The following MYO18B variants were observed in gnomAD, a reference collection of about 807,000 sequenced individuals.
MYO18B encodes the protein myosin XVIIIB, also known as unconventional myosin-XVIIIb.
MYO18B carries 204 observed loss-of-function variants against 273.0 expected under a neutral mutation model. The observed-to-expected ratio is 0.75, with a 90% CI of 0.67 to 0.84. MYO18B has a LOEUF of 0.84. Ranked by LOEUF, MYO18B falls within the 40% of genes least tolerant of loss-of-function variation. The probability of loss-of-function intolerance (pLI) is 0.00; values close to 1 mark genes in which losing one functional copy is unlikely to be tolerated. For missense variants in MYO18B, 3,212 were observed against 3,287.6 expected (o/e 0.98, Z 0.56); for synonymous variants, 1,330 against 1,305.7 (o/e 1.02, Z -0.40).
At chr22:25,788,510 G>T (rs1300159233) in intron 11 of MYO18B, among the ~76,000 whole-genome samples, 1 of 152,212 alleles carries the variant, frequency 6.6e-6, no homozygotes, top group East Asian at 1.9e-4. Flanking sequence ...TGGAGGAGTG[G>T]ACCACAAGCT....
At chr22:25,874,763 A>G (rs2091145248) in intron 23 of MYO18B, among the ~76,000 whole-genome samples, 1 of 152,226 alleles carries the variant, frequency 6.6e-6, no homozygotes, top group Non-Finnish European at 1.5e-5. Flanking sequence ...GGCCAAGTCA[A>G]GCTTGAAGCA....
chr22:25,940,597 C>T (rs1286816557), intron 34 of MYO18B, among the ~76,000 whole-genome samples: 3 of 152,146 alleles, frequency 2.0e-5, no homozygotes, highest in African/African-American at 4.8e-5. Context: ...TGGGTCTGCT[C>T]CTAACCACCA....
At chr22:25,775,970 T>C (rs1177722734) in intron 7 of MYO18B, among the ~76,000 whole-genome samples, 6 of 152,174 alleles carry the variant, frequency 3.9e-5, no homozygotes. Context: ...AGGTGTATAG[T>C]TGTATAACTG....
chr22:25,881,523 C>T (rs1186448277), intron 25 of MYO18B, among the ~76,000 whole-genome samples: 2 of 152,182 alleles, frequency 1.3e-5, no homozygotes, highest in Admixed American at 6.5e-5. Context: ...TCAGGGACTT[C>T]CCTGTAGAAA....
rs1417854716 is a variant in MYO18B, at chr22:25,838,939, ATGTG to A, written c.3208+3502_3208+3505del. Among the ~76,000 whole-genome samples the A allele has an allele frequency of 3.4e-3, 512 of 151,212 alleles. 4 individuals are homozygous for A. Among genetic ancestry groups the A allele is most frequent in the African/African-American group, 0.012 (493 of 41,122 alleles). On this transcript the variant is annotated intron_variant, in intron 17 of 43. Transcript: ENST00000335473. ...TATCTGTGTGTGCCTGTGTGTGTGC[ATGTG>A]TGTGTATGTCTAGTTGTTTGTATAT...
downstream of MYO18B, among the ~76,000 whole-genome samples, chr22:26,034,780 A>G (rs9624960): frequency 0.01 from 1,535 of 152,332 alleles, 30 homozygotes; most frequent in African/African-American, 0.036. Context: ...GAAAGCCTCA[A>G]GGTAATTTTA....
intron 39 of MYO18B, among the ~76,000 whole-genome samples, chr22:25,963,413 A>G (rs1037489110): frequency 3.3e-5 from 5 of 151,426 alleles, no homozygotes; most frequent in African/African-American, 1.2e-4. Context: ...TGGTGGCTCC[A>G]GGCATTCCTT....
At chr22:25,873,460 T>G (rs2091104085) in intron 22 of MYO18B, among the ~76,000 whole-genome samples, 2 of 152,132 alleles carry the variant, frequency 1.3e-5, no homozygotes, top group Admixed American at 6.5e-5. Context: ...TTTCCTTTCT[T>G]TTTTTTGAGA....
chr22:25,939,326 A>G (rs1166425216), intron 34 of MYO18B, among the ~76,000 whole-genome samples: 1 of 152,250 alleles, frequency 6.6e-6, no homozygotes. Context: ...CAATCATGTC[A>G]TCAAGATTAT....
At chr22:25,960,047 T>C (rs2092901077) in intron 39 of MYO18B, among the ~76,000 whole-genome samples, 1 of 152,090 alleles carries the variant, frequency 6.6e-6, no homozygotes, top group South Asian at 2.1e-4. Flanking sequence ...GAACTGTGAG[T>C]TGTTGCATGT....
chr22:25,888,509 A>G (rs1157351607), intron 25 of MYO18B, among the ~76,000 whole-genome samples: 1 of 152,048 alleles, frequency 6.6e-6, no homozygotes, highest in African/African-American at 2.4e-5. Context: ...TGATCCTCCT[A>G]CCTCAGCCTG....
intron 19 of MYO18B, 121 bp from the exon 20 acceptor site, chr22:25,847,309 T>C: frequency 1.4e-6 from 1 of 716,968 alleles, no homozygotes; most frequent in Non-Finnish European, 2.4e-6. Context: ...AGCTCCTTGG[T>C]GTGGGACATA....
At chr22:25,940,359 G>A (rs1181016442) in intron 34 of MYO18B, among the ~76,000 whole-genome samples, 1 of 152,154 alleles carries the variant, frequency 6.6e-6, no homozygotes, top group Non-Finnish European at 1.5e-5. Context: ...ACATGCCTTT[G>A]CTTCTCCTTT....
rs745396500 is a variant in MYO18B, at chr22:25,763,391, T to A, written c.198+2T>A. On this transcript the variant is annotated splice_donor_variant, in intron 3 of 43. Coordinates refer to ENST00000335473, the MANE Select transcript of MYO18B (RefSeq NM_032608.7). LOFTEE classifies it high-confidence loss of function. ...GCTGTCGCCTCTCCAGAACGAGAGG[T>A]AAGTGGTTCCTAAGAAGGAGGACCG... 1.2e-6 allele frequency: 2 copies of A among 1,606,430 alleles called. No individual in the cohort carries two copies. Among genetic ancestry groups the A allele is most frequent in the Non-Finnish European group, 1.7e-6 (2 of 1,178,200 alleles).
At chr22:25,800,690 C>G (rs1475590435) in intron 12 of MYO18B, among the ~76,000 whole-genome samples, 3 of 152,194 alleles carry the variant, frequency 2.0e-5, no homozygotes, top group Admixed American at 1.3e-4. Context: ...GATATTTATC[C>G]AGAGACTAAG....
At chr22:26,038,511 T>G in the MYO18B span, among the ~76,000 whole-genome samples, 1 of 152,184 alleles carries the variant, frequency 6.6e-6, no homozygotes, top group African/African-American at 2.4e-5. Flanking sequence ...ACATACTCCA[T>G]GCCCATGGAG....
chr22:25,833,807 G>T (rs867925445), intron 16 of MYO18B, among the ~76,000 whole-genome samples: 1 of 152,178 alleles, frequency 6.6e-6, no homozygotes. Context: ...GTGCCCTGCC[G>T]GTGGCATCTC....
chr22:26,020,770 C>A (rs1935746432), intron 42 of MYO18B, among the ~76,000 whole-genome samples: 1 of 152,084 alleles, frequency 6.6e-6, no homozygotes, highest in African/African-American at 2.4e-5. Flanking sequence ...CTCACTCTTA[C>A]ACCTGTGCAA....
intron 27 of MYO18B, among the ~76,000 whole-genome samples, chr22:25,894,273 T>C (rs1429939178): frequency 6.7e-6 from 1 of 149,016 alleles, no homozygotes; most frequent in Non-Finnish European, 1.5e-5. Context: ...TTCATTTCAT[T>C]ATCTTGTACA....
Sources: gnomAD v4.1 joint callset for allele counts (sites outside exome capture counted in the v4.1 genomes callset) on GRCh38, gnomAD v4.1.1 for gene constraint, MANE v1.5 for transcripts, NCBI Gene and HGNC (gene_info 2026-07-23, HGNC 2026-07-21) for gene names.